Variants in CCNY observed in about 807,000 individuals in gnomAD.
The protein encoded by CCNY is cyclin-Y.
In CCNY, 19 loss-of-function variants were observed where a neutral mutation model predicts 42.8. The ratio of observed to expected loss-of-function variants is 0.44; its 90% CI spans 0.31 to 0.65. The LOEUF is 0.65. Among genes scored for constraint, CCNY ranks in the 30% least tolerant of loss-of-function variants. CCNY has a pLI of 0.07. For synonymous variants in CCNY, 165 were observed against 162.7 expected, an observed-to-expected ratio of 1.01 and a Z score of -0.11; for missense variants, 370 against 437.3, an observed-to-expected ratio of 0.85 and a Z score of 1.37.
At position 35,553,200 on chromosome 10, in the gene CCNY, A is replaced by C; in HGVS notation, c.746+15A>C. Reference sequence around the variant, plus strand: ...GTGGAGGACATGTGAGTTGGGGGGCAGAGGGTGTTGGTCATCAGAGTCTTG... The same window carrying C: ...GTGGAGGACATGTGAGTTGGGGGGCCGAGGGTGTTGGTCATCAGAGTCTTG... On this transcript the variant is annotated intron_variant, in intron 8 of 9. Coordinates refer to ENST00000374704, the MANE Select transcript of CCNY (RefSeq NM_145012.6). The C allele has an allele frequency of 1.2e-6, 2 of 1,612,304 alleles. No homozygotes were observed. The highest frequency in any genetic ancestry group is 1.7e-6 in the Non-Finnish European group (2 of 1,178,508).
intron 1 of CCNY, among the ~76,000 whole-genome samples, chr10:35,358,615 A>C (rs1836613824): frequency 1.3e-5 from 2 of 152,260 alleles, no homozygotes; most frequent in African/African-American, 4.8e-5. Flanking sequence ...CACTTGAGAC[A>C]AGTCAAGGGC....
intron 2 of CCNY, among the ~76,000 whole-genome samples, chr10:35,501,016 G>A (rs1413618029): frequency 6.6e-6 from 1 of 152,140 alleles, no homozygotes; most frequent in East Asian, 1.9e-4. Flanking sequence ...GAGAATAATG[G>A]GTTTCCATGA....
In CCNY at chr10:35,571,821, A is replaced by G. The variant is rs1841690812; in HGVS notation, c.*2651A>G. On this transcript the variant is annotated 3_prime_UTR_variant, in exon 10 of 10. Coordinates refer to ENST00000374704, the MANE Select transcript of CCNY (RefSeq NM_145012.6). ...CACATTGTCTTAGTGTAGTTTTTGA[A>G]TGGAAAGTTTTTGTCATTAAGGATG... 6.6e-6 allele frequency: 1 copy of G among 152,362 alleles called. No individual in the cohort carries two copies. Among genetic ancestry groups the G allele is most frequent in the African/African-American group, 2.4e-5 (1 of 41,454 alleles). The allele number at this position is 152,362 out of a possible 1,614,324, so 9.4% of individuals were successfully genotyped here.
chr10:35,340,008 A>G (rs1306915718), intron 1 of CCNY, among the ~76,000 whole-genome samples: 1 of 152,224 alleles, frequency 6.6e-6, no homozygotes, highest in East Asian at 1.9e-4. Flanking sequence ...GATAGTAATA[A>G]TTGCAGCCTA....
At chr10:35,510,194 C>G (rs896855804) in intron 3 of CCNY, among the ~76,000 whole-genome samples, 1 of 152,144 alleles carries the variant, frequency 6.6e-6, no homozygotes, top group Non-Finnish European at 1.5e-5. Flanking sequence ...TTCTTTTCCT[C>G]TAATAATAAT....
intron 8 of CCNY, among the ~76,000 whole-genome samples, chr10:35,555,488 G>A (rs1242286103): frequency 1.3e-5 from 2 of 152,166 alleles, no homozygotes; most frequent in African/African-American, 2.4e-5. Flanking sequence ...AACAGCAGCA[G>A]CAGCTATCCT....
intron 5 of CCNY, among the ~76,000 whole-genome samples, chr10:35,527,371 T>TAA (rs1840673601): frequency 6.6e-6 from 1 of 151,236 alleles, no homozygotes; most frequent in Non-Finnish European, 1.5e-5. Context: ...TTAGAATCTC[T>TAA]AAGATATTTC....
intron 1 of CCNY, among the ~76,000 whole-genome samples, chr10:35,442,862 TGAGA>T (rs1183477599): frequency 1.3e-5 from 2 of 152,206 alleles, no homozygotes; most frequent in African/African-American, 4.8e-5. Flanking sequence ...TGTGTGAACA[TGAGA>T]GAGTGTACTT....
At chr10:35,261,006 G>A (rs1433999065) in intron 3 of CCNY, among the ~76,000 whole-genome samples, 1 of 152,152 alleles carries the variant, frequency 6.6e-6, no homozygotes, top group Non-Finnish European at 1.5e-5. Context: ...GGCTACATGG[G>A]AGGCCAAAGT....
chr10:35,473,234 G>T (rs772795415), intron 1 of CCNY, among the ~76,000 whole-genome samples: 3 of 152,156 alleles, frequency 2.0e-5, no homozygotes, highest in Non-Finnish European at 2.9e-5. Context: ...TGTCCCTCCC[G>T]GAGGCCGGCC....
chr10:35,441,236 T>C (rs950875546), intron 1 of CCNY, among the ~76,000 whole-genome samples: 2 of 152,198 alleles, frequency 1.3e-5, no homozygotes, highest in African/African-American at 4.8e-5. Flanking sequence ...CAAGAACAAG[T>C]TGGCCTTTAA....
At chr10:35,275,360 C>T (rs979256654) in intron 3 of CCNY, among the ~76,000 whole-genome samples, 10 of 151,880 alleles carry the variant, frequency 6.6e-5, no homozygotes, top group Admixed American at 3.3e-4. Flanking sequence ...GCCACTGCGC[C>T]CAGTCGATTC....
intron 1 of CCNY, among the ~76,000 whole-genome samples, chr10:35,416,493 T>G (rs1364866180): frequency 1.3e-5 from 2 of 152,046 alleles, no homozygotes; most frequent in African/African-American, 4.8e-5. Context: ...GAATCTAATT[T>G]TGGAAAGGGG....
chr10:35,350,086 C>T (rs1392218402), intron 1 of CCNY, among the ~76,000 whole-genome samples: 1 of 152,290 alleles, frequency 6.6e-6, no homozygotes, highest in East Asian at 1.9e-4. Flanking sequence ...TTCCTTTTGA[C>T]TCCTTAGAAC....
intron 1 of CCNY, among the ~76,000 whole-genome samples, chr10:35,389,047 T>G (rs1418983528): frequency 1.3e-5 from 2 of 152,192 alleles, no homozygotes; most frequent in Admixed American, 6.5e-5. Flanking sequence ...ATTAACAACT[T>G]TAATTCCATC....
chr10:35,458,175 GCTTTGGGGGTATGTCAGTGTCC>G (rs1390296800), intron 1 of CCNY, among the ~76,000 whole-genome samples: 1 of 152,210 alleles, frequency 6.6e-6, no homozygotes, highest in Non-Finnish European at 1.5e-5. Context: ...GAGGAACTGG[GCTTTGGGGGTATGTCAGTGTCC>G]CAAGGACCCC....
At chr10:35,474,088 C>T (rs568693209) in intron 1 of CCNY, among the ~76,000 whole-genome samples, 1 of 152,300 alleles carries the variant, frequency 6.6e-6, no homozygotes, top group South Asian at 2.1e-4. Context: ...GCTTTTCCAA[C>T]GGGCTTAAAA....
At chr10:35,440,990 G>A (rs566969115) in intron 1 of CCNY, among the ~76,000 whole-genome samples, 1 of 152,246 alleles carries the variant, frequency 6.6e-6, no homozygotes, top group African/African-American at 2.4e-5. Flanking sequence ...ATATTGCTTT[G>A]GGTTTTTCTC....
intron 1 of CCNY, among the ~76,000 whole-genome samples, chr10:35,443,446 T>A (rs1439372434): frequency 1.3e-5 from 2 of 152,260 alleles, no homozygotes; most frequent in Non-Finnish European, 2.9e-5. Flanking sequence ...CTTTTTAAAC[T>A]TTTTTGTTAA....
Sources: gnomAD v4.1 joint callset for allele counts (sites outside exome capture counted in the v4.1 genomes callset) on GRCh38, gnomAD v4.1.1 for gene constraint, MANE v1.5 for transcripts, NCBI Gene and HGNC (gene_info 2026-07-23, HGNC 2026-07-21) for gene names.